Variants in CAV1 observed in about 807,000 individuals in gnomAD.
CAV1 encodes the protein caveolin-1.
CAV1 carries 10 observed loss-of-function variants against 16.5 expected under a neutral mutation model. The observed-to-expected ratio is 0.61, with a 90% confidence interval of 0.37 to 1.03. The LOEUF (loss-of-function observed/expected upper bound fraction) is 1.03. Ranked by LOEUF, CAV1 falls within the 50% of genes least tolerant of loss-of-function variation. CAV1 has a pLI of 0.01. For missense variants in CAV1, 212 were observed against 232.8 expected, an observed-to-expected ratio of 0.91 and a Z score of 0.58; for synonymous variants, 76 against 85.1, an observed-to-expected ratio of 0.89 and a Z score of 0.59.
chr7:116,559,040 A>C lies in CAV1; in HGVS notation c.290A>C (p.Tyr97Ser). 1 of 1,613,878 alleles carries C rather than the reference A, an allele frequency of 6.2e-7. No individual in the cohort carries two copies. Among genetic ancestry groups the C allele is most frequent in the Non-Finnish European group, 8.5e-7 (1 of 1,179,924 alleles). ...TTCACCACCTTCACTGTGACGAAAT[A>C]CTGGTTTTACCGCTTGCTGTCTGCC... Reference protein sequence around the residue: ...ASFTTFTVTKYWFYRLLSALF... With the variant: ...ASFTTFTVTKSWFYRLLSALF... Residue 97 changes from tyrosine (Y) to serine (S), a missense_variant, in exon 3 of 3, where the codon TAC becomes TCC. Coordinates refer to ENST00000341049, the MANE Select transcript of CAV1 (RefSeq NM_001753.5).
intron 2 of CAV1, among the ~76,000 whole-genome samples, chr7:116,531,038 A>G (rs149233415): frequency 6.6e-6 from 1 of 152,352 alleles, no homozygotes; most frequent in East Asian, 1.9e-4. Flanking sequence ...ACAAAATGAC[A>G]GAATTTTAGA....
At chr7:116,552,786 G>A (rs961014338) in intron 2 of CAV1, among the ~76,000 whole-genome samples, 1 of 152,190 alleles carries the variant, frequency 6.6e-6, no homozygotes, top group Non-Finnish European at 1.5e-5. Context: ...TCATTGGCCA[G>A]AACTGAGTCA....
At chr7:116,546,827 A>C (rs993620806) in intron 2 of CAV1, among the ~76,000 whole-genome samples, 1 of 152,290 alleles carries the variant, frequency 6.6e-6, no homozygotes, top group Non-Finnish European at 1.5e-5. Flanking sequence ...TCCCTAAAAA[A>C]GTATCACAAG....
chr7:116,558,926 G>C lies in CAV1; in HGVS notation c.196-20G>C. On this transcript the variant is annotated intron_variant, in intron 2 of 2. Coordinates refer to ENST00000341049, the MANE Select transcript of CAV1 (RefSeq NM_001753.5). ...TTTTCTTCTATTCTGTGCTCATGTT[G>C]TGTCACTTCTTCCTTTTAGATTGAC... The C allele has an allele frequency of 6.4e-7, 1 of 1,558,898 alleles. No individual in the cohort carries two copies. Among genetic ancestry groups the C allele is most frequent in the Non-Finnish European group, 8.8e-7 (1 of 1,130,962 alleles).
In CAV1 at chr7:116,530,208, C is replaced by CTTTTTTTTT. The variant is rs3030806; in HGVS notation, c.195+3524_195+3532dup. Among the ~76,000 whole-genome samples the CTTTTTTTTT allele has an allele frequency of 3.2e-4, 40 of 125,368 alleles. 1 individual carries two copies. The highest frequency in any genetic ancestry group is 1.3e-3 in the Admixed American group (16 of 12,212). 82.2% of individuals were successfully genotyped at this position (125,368 alleles called of 152,430 possible). A position where few individuals can be genotyped will look rare whatever the true frequency, so the allele number is the denominator to read the frequency against. On this transcript the variant is annotated intron_variant, in intron 2 of 2. Transcript: ENST00000341049. ...CATGGAAACTGATTGGTCCTTTTTC[C>CTTTTTTTTT]TTTTTTTTTTTTTGCCTTGACTGCC... is the stretch of plus-strand genomic sequence containing the variant.
At chr7:116,546,996 G>A (rs1398831018) in intron 2 of CAV1, among the ~76,000 whole-genome samples, 1 of 152,184 alleles carries the variant, frequency 6.6e-6, no homozygotes, top group Non-Finnish European at 1.5e-5. Flanking sequence ...TGCTGGCAAT[G>A]TTTGGCATTC....
intron 2 of CAV1, among the ~76,000 whole-genome samples, chr7:116,536,508 G>A (rs919181879): frequency 9.2e-5 from 14 of 152,284 alleles, no homozygotes; most frequent in African/African-American, 3.1e-4. Flanking sequence ...TGTTTACCAG[G>A]AACAGGGTCC....
chr7:116,552,470 A>G (rs948195716), intron 2 of CAV1, among the ~76,000 whole-genome samples: 3 of 152,192 alleles, frequency 2.0e-5, no homozygotes, highest in African/African-American at 7.2e-5. Flanking sequence ...GCTTTCTGCT[A>G]CAGGTAACTA....
intron 2 of CAV1, among the ~76,000 whole-genome samples, chr7:116,541,554 C>A (rs1332029759): frequency 6.6e-6 from 1 of 152,060 alleles, no homozygotes; most frequent in Non-Finnish European, 1.5e-5. Flanking sequence ...AGCTTGAGAC[C>A]AGCCTGGACA....
chr7:116,530,426 G>A (rs191546429), intron 2 of CAV1, among the ~76,000 whole-genome samples: 41 of 152,240 alleles, frequency 2.7e-4, no homozygotes, highest in African/African-American at 9.6e-4. Flanking sequence ...AAATACAGTA[G>A]TGTTGAATAT....
At chr7:116,525,336 A>G (rs1793534644) in intron 1 of CAV1, 1 of 1,546,256 alleles carries the variant, frequency 6.5e-7, no homozygotes, top group South Asian at 1.2e-5. Context: ...GGACACGGAA[A>G]AGGGGATTGG....
chr7:116,538,957 A>G (rs1793882244), intron 2 of CAV1, among the ~76,000 whole-genome samples: 1 of 152,180 alleles, frequency 6.6e-6, no homozygotes. Flanking sequence ...CGCCACCATG[A>G]TTCAATTATC....
intron 2 of CAV1, among the ~76,000 whole-genome samples, chr7:116,528,255 T>C (rs142450740): frequency 1.7e-4 from 26 of 152,232 alleles, no homozygotes; most frequent in African/African-American, 5.5e-4. Context: ...ACAGTGTGGA[T>C]GTGGGTCTCC....
At chr7:116,555,338 C>A (rs1046597430) in intron 2 of CAV1, among the ~76,000 whole-genome samples, 3 of 150,722 alleles carry the variant, frequency 2.0e-5, no homozygotes, top group African/African-American at 7.3e-5. Context: ...ATTCTGAGGG[C>A]TGAAGTTGGA....
chr7:116,526,475 C>T (rs1418667375), intron 1 of CAV1, 50 bp from the exon 2 acceptor site: 3 of 1,612,246 alleles, frequency 1.9e-6, no homozygotes, highest in Non-Finnish European at 2.5e-6. Flanking sequence ...TTCCTCCCAC[C>T]GCCGTTGCCG....
chr7:116,537,330 C>T lies in CAV1; in HGVS notation c.195+10641C>T, dbSNP rs181619700. On this transcript the variant is annotated intron_variant, in intron 2 of 2. Transcript: ENST00000341049. ...GGGCTCTCGGTGCAATGGGGCAAATCAAGGGGGTTTGTGCAAGTGGGAGTG... is the reference window on the plus strand; with the variant it reads ...GGGCTCTCGGTGCAATGGGGCAAATTAAGGGGGTTTGTGCAAGTGGGAGTG... 7.3e-4 allele frequency among the ~76,000 whole-genome samples: 111 copies of T among 152,076 alleles called. 2 individuals carry two copies. The highest frequency in any genetic ancestry group is 3.3e-3 in the Admixed American group (50 of 15,270).
At chr7:116,554,125 T>G (rs1794217806) in intron 2 of CAV1, among the ~76,000 whole-genome samples, 1 of 152,220 alleles carries the variant, frequency 6.6e-6, no homozygotes, top group Non-Finnish European at 1.5e-5. Context: ...CCCTTTAGCT[T>G]TAAATATCTA....
chr7:116,548,028 C>T (rs1310967045), intron 2 of CAV1, among the ~76,000 whole-genome samples: 1 of 152,170 alleles, frequency 6.6e-6, no homozygotes, highest in Non-Finnish European at 1.5e-5. Context: ...ATCACACTCA[C>T]TCACATCTGA....
chr7:116,552,565 G>T (rs746716500), intron 2 of CAV1, among the ~76,000 whole-genome samples: 1 of 152,168 alleles, frequency 6.6e-6, no homozygotes, highest in Non-Finnish European at 1.5e-5. Flanking sequence ...TGCTGGCATT[G>T]CTTCAGTAGC....
Sources: allele counts gnomAD v4.1 joint callset (sites outside exome capture counted in the v4.1 genomes callset), GRCh38; gene constraint gnomAD v4.1.1; transcripts MANE v1.5; gene names NCBI Gene and HGNC (gene_info 2026-07-23, HGNC 2026-07-21).